MTREX: variants seen among roughly 807,000 people sequenced by gnomAD.
MTREX encodes exosome RNA helicase MTR4.
MTREX carries 76 observed loss-of-function variants against 135.4 expected under a neutral mutation model. That is an observed-to-expected ratio of 0.56 (90% CI 0.47 to 0.68). The LOEUF (loss-of-function observed/expected upper bound fraction) is 0.68, where lower values mean the gene tolerates loss of function less well. MTREX is among the 30% of genes least tolerant of loss of function. MTREX has a pLI of 0.00. For missense variants in MTREX, 920 were observed against 1,262.1 expected, an observed-to-expected ratio of 0.73 and a Z score of 4.11; for synonymous variants, 404 against 401.6, an observed-to-expected ratio of 1.01 and a Z score of -0.07.
rs71600872 is a variant in MTREX at position 55,329,343 on chromosome 5, C to CT, written c.515+542dup. ...ATCACACCTGGCTAATTTTTTTTTTCTTTTTTTTTTAGAGGCAACACAGAG... is the reference window on the plus strand; with the variant it reads ...ATCACACCTGGCTAATTTTTTTTTTCTTTTTTTTTTTAGAGGCAACACAGAG... On this transcript the variant is annotated intron_variant, in intron 5 of 26. Transcript: ENST00000230640. 1,217 of 143,830 alleles carry CT rather than the reference C, an allele frequency of 8.5e-3. 11 individuals carry two copies. Among genetic ancestry groups the CT allele is most frequent in the African/African-American group, 0.027 (1,082 of 39,426 alleles). The allele number at this position is 143,830 out of a possible 1,614,324, so 8.9% of individuals were successfully genotyped here.
intron 23 of MTREX, among the ~76,000 whole-genome samples, chr5:55,413,744 C>CT (rs2111618644): frequency 6.6e-6 from 1 of 152,286 alleles, no homozygotes; most frequent in South Asian, 2.1e-4. Context: ...TTTTAACGTA[C>CT]TTTATCCTGA....
chr5:55,398,857 T>C (rs1750682083), intron 20 of MTREX, among the ~76,000 whole-genome samples: 1 of 152,216 alleles, frequency 6.6e-6, no homozygotes, highest in South Asian at 2.1e-4. Flanking sequence ...CAACATGTTT[T>C]AAACAAAGTT....
At chr5:55,348,238 G>T (rs913165264) in intron 11 of MTREX, among the ~76,000 whole-genome samples, 1 of 152,164 alleles carries the variant, frequency 6.6e-6, no homozygotes, top group South Asian at 2.1e-4. Context: ...GCAAGAGAGA[G>T]GGTGGGAGAA....
rs188973357 is a variant in MTREX at position 55,424,998 on chromosome 5, T to G, written c.*226T>G. On this transcript the variant is annotated 3_prime_UTR_variant, in exon 27 of 27. Coordinates refer to ENST00000230640, the MANE Select transcript of MTREX (RefSeq NM_015360.5). Reference sequence around the variant, plus strand: ...GTGGGGCACTGTTTTGGTGGAAGGCTTGGAGTTTTTTTAATGAGTTTAGAG... The same window carrying G: ...GTGGGGCACTGTTTTGGTGGAAGGCGTGGAGTTTTTTTAATGAGTTTAGAG... 2.8e-6 allele frequency: 2 copies of G among 720,662 alleles called. No individual in the cohort carries two copies. Among genetic ancestry groups the G allele is most frequent in the Admixed American group, 6.0e-5 (2 of 33,414 alleles). 44.6% of individuals were successfully genotyped at this position (720,662 alleles called of 1,614,324 possible).
At chr5:55,309,770 G>A (rs975483360) in intron 1 of MTREX, among the ~76,000 whole-genome samples, 1 of 152,158 alleles carries the variant, frequency 6.6e-6, no homozygotes, top group Non-Finnish European at 1.5e-5. Context: ...GTCTCCTTGA[G>A]ATAGAGATCT....
intron 13 of MTREX, 54 bp from the exon 14 acceptor site, chr5:55,353,114 C>A: frequency 1.6e-6 from 2 of 1,244,210 alleles, no homozygotes; most frequent in Non-Finnish European, 2.2e-6. Flanking sequence ...AATTATAAAA[C>A]CAGATTTTCA....
At chr5:55,400,588 CAA>C (rs1750709345) in intron 21 of MTREX, among the ~76,000 whole-genome samples, 167 bp downstream of exon 21, 1 of 152,200 alleles carries the variant, frequency 6.6e-6, no homozygotes, top group Non-Finnish European at 1.5e-5. Flanking sequence ...ATCAGCAAGA[CAA>C]GATAAAGTTC....
chr5:55,384,531 T>C lies in MTREX; in HGVS notation c.2053-3443T>C, dbSNP rs997435999. On this transcript the variant is annotated intron_variant, in intron 18 of 26. Transcript: ENST00000230640. ...ACTATTACAGGCAAATTCTGTTGCC[T>C]ACATTTTTCCCTGTTCTATGGGTCA... Among the ~76,000 whole-genome samples, 50 of 152,270 alleles carry C rather than the reference T, an allele frequency of 3.3e-4. 1 individual carries two copies. The highest frequency in any genetic ancestry group is 1.6e-4 in the Non-Finnish European group (11 of 68,048).
intron 16 of MTREX, among the ~76,000 whole-genome samples, chr5:55,374,585 T>C: frequency 6.6e-6 from 1 of 152,008 alleles, no homozygotes; most frequent in Non-Finnish European, 1.5e-5. Context: ...CCACTGTGCC[T>C]AGCCAAAAAA....
At chr5:55,408,452 C>G (rs1002864539) in intron 22 of MTREX, among the ~76,000 whole-genome samples, 1 of 152,138 alleles carries the variant, frequency 6.6e-6, no homozygotes, top group Non-Finnish European at 1.5e-5. Context: ...TATTGTTGCA[C>G]TCTTTGCTTG....
chr5:55,415,663 T>TA (rs1750955597), intron 24 of MTREX, among the ~76,000 whole-genome samples: 1 of 152,240 alleles, frequency 6.6e-6, no homozygotes, highest in Non-Finnish European at 1.5e-5. Flanking sequence ...AGAGATTAGT[T>TA]AAATGCTGCT....
rs372495790 is a variant in MTREX at position 55,406,329 on chromosome 5, TG to T, written c.2645+745del. 1.4e-3 allele frequency among the ~76,000 whole-genome samples: 207 copies of T among 152,280 alleles called. 2 individuals carry two copies. In the Middle Eastern group the frequency reaches 0.024, roughly 18 times the overall value. On this transcript the variant is annotated intron_variant, in intron 22 of 26. Coordinates refer to ENST00000230640, the MANE Select transcript of MTREX (RefSeq NM_015360.5). ...TGAAACAGTAGGAGTCCGGAGCGGC[TG>T]GGGAATGTTAGGACCTCTCTCTCTC... is the stretch of plus-strand genomic sequence containing the variant.
At chr5:55,369,915 C>CTTTTTTTTTTTTTTTT in intron 16 of MTREX, among the ~76,000 whole-genome samples, 1 of 141,426 alleles carries the variant, frequency 7.1e-6, no homozygotes, top group Admixed American at 7.1e-5. Flanking sequence ...TTTCTTTTTT[C>CTTTTTTTTTTTTTTTT]TTTTTTTTTT....
chr5:55,358,690 T>C lies in MTREX; in HGVS notation c.1651T>C (p.Leu551=). ...GATGAGCCCAACAATTGGAAAACAA[T>C]TACTTAAGGTAACTACATTAAGATT... ...EKMSPTIGKQ[L]LKGSADPLNS... The change falls in exon 15 of 27, where the codon TTA becomes CTA. Residue 551 remains leucine, a synonymous_variant. Coordinates refer to ENST00000230640, the MANE Select transcript of MTREX (RefSeq NM_015360.5). 1 of 1,592,606 alleles carries C rather than the reference T, an allele frequency of 6.3e-7. No individual in the cohort carries two copies. Among genetic ancestry groups the C allele is most frequent in the Non-Finnish European group, 8.5e-7 (1 of 1,174,354 alleles).
chr5:55,397,726 A>C (rs1300298011), intron 20 of MTREX, among the ~76,000 whole-genome samples, 200 bp downstream of exon 20: 1 of 152,226 alleles, frequency 6.6e-6, no homozygotes, highest in Non-Finnish European at 1.5e-5. Flanking sequence ...ATCTACCAAC[A>C]AAGTGAGTTA....
intron 1 of MTREX, among the ~76,000 whole-genome samples, chr5:55,318,652 A>G (rs1298133382): frequency 6.6e-6 from 1 of 152,200 alleles, no homozygotes; most frequent in Non-Finnish European, 1.5e-5. Context: ...AGCAGAAAAG[A>G]TAACTGTTGG....
At chr5:55,320,564 A>G (rs886803978) in intron 1 of MTREX, among the ~76,000 whole-genome samples, 4 of 152,182 alleles carry the variant, frequency 2.6e-5, no homozygotes, top group South Asian at 2.1e-4. Flanking sequence ...AGATTATGGG[A>G]TGGATTTTTA....
At chr5:55,325,712 G>A (rs952515495) in intron 3 of MTREX, among the ~76,000 whole-genome samples, 1 of 151,910 alleles carries the variant, frequency 6.6e-6, no homozygotes, top group African/African-American at 2.4e-5. Flanking sequence ...AGTTGAACCC[G>A]TCACCCAAAT....
At chr5:55,371,413 GT>G (rs1750195233) in intron 16 of MTREX, among the ~76,000 whole-genome samples, 2 of 152,026 alleles carry the variant, frequency 1.3e-5, no homozygotes, top group South Asian at 4.1e-4. Flanking sequence ...CTATAAATAT[GT>G]TTTTGCAACC....
Sources: gnomAD v4.1 joint callset for allele counts (sites outside exome capture counted in the v4.1 genomes callset) on GRCh38, gnomAD v4.1.1 for gene constraint, MANE v1.5 for transcripts, NCBI Gene and HGNC (gene_info 2026-07-23, HGNC 2026-07-21) for gene names.